The following TMEM120B variants were observed in gnomAD, a reference collection of about 807,000 sequenced individuals.
TMEM120B encodes the protein transmembrane protein 120B.
TMEM120B carries 31 observed loss-of-function variants against 55.5 expected under a neutral mutation model. The ratio of observed to expected loss-of-function variants is 0.56; its 90% CI spans 0.42 to 0.75. The LOEUF (loss-of-function observed/expected upper bound fraction) is 0.75. Among genes scored for constraint, TMEM120B ranks in the 30% least tolerant of loss-of-function variants. TMEM120B has a pLI of 0.00. For synonymous variants in TMEM120B, 203 were observed against 176.3 expected (o/e 1.15, Z -1.20); for missense variants, 399 against 425.5 (o/e 0.94, Z 0.55).
At chr12:121,744,784 T>C (rs148868794) in intron 2 of TMEM120B, among the ~76,000 whole-genome samples, 213 of 152,302 alleles carry the variant, frequency 1.4e-3, no homozygotes, top group Non-Finnish European at 2.4e-3. Context: ...GTCAACTCTT[T>C]CCTTGTGGAC....
At position 121,775,721 on chromosome 12, in the gene TMEM120B, G is replaced by A; in HGVS notation, c.1019G>A (p.Ter340=). ...AACAGAGGCAAGACAAAGCAGCCGT[G>A]AGCCTCGGGCTCCTGTGCCCTCGGC... ...QKNRGKTKQP[*] The change falls in exon 12 of 12, where the codon TGA becomes TAA. Residue 340 remains the stop codon, a stop_retained_variant. Transcript: ENST00000449592. This position sits in a 1 kb window ranked among gnomAD's most constrained non-coding sequence, Gnocchi z 4.3. 1 of 1,613,830 alleles carries A rather than the reference G, an allele frequency of 6.2e-7. No individual in the cohort carries two copies.
At chr12:121,770,682 G>A (rs1252072533) in intron 6 of TMEM120B, among the ~76,000 whole-genome samples, 1 of 152,134 alleles carries the variant, frequency 6.6e-6, no homozygotes, top group African/African-American at 2.4e-5. Flanking sequence ...GAAACCACTG[G>A]AAGCCCAAGT....
At chr12:121,763,668 C>T (rs1306719456) in intron 6 of TMEM120B, among the ~76,000 whole-genome samples, 1 of 152,192 alleles carries the variant, frequency 6.6e-6, no homozygotes, top group Admixed American at 6.5e-5. Flanking sequence ...GTCTCAAACT[C>T]TTGACCTCAA....
rs1018489774 is a variant in TMEM120B, at chr12:121,739,235, TG to T, written c.70-4391del. ...ACTTAAATTCACGAAAGACAGAGAT[TG>T]GGAGATTGTTCTAGATTAAAGGAGA... On this transcript the variant is annotated intron_variant, in intron 1 of 11. Transcript: ENST00000449592. 1.1e-4 allele frequency among the ~76,000 whole-genome samples: 17 copies of T among 151,924 alleles called. 1 individual carries two copies. The highest frequency in any genetic ancestry group is 1.0e-4 in the Non-Finnish European group (7 of 67,984).
chr12:121,734,477 C>T (rs1355714974), intron 1 of TMEM120B, among the ~76,000 whole-genome samples: 42 of 151,290 alleles, frequency 2.8e-4, no homozygotes, highest in Non-Finnish European at 3.4e-4. Flanking sequence ...AGGTTGGTCT[C>T]GAACTCCCGA....
At chr12:121,732,707 C>T (rs1057458634) in intron 1 of TMEM120B, among the ~76,000 whole-genome samples, 4 of 152,038 alleles carry the variant, frequency 2.6e-5, no homozygotes, top group Admixed American at 1.3e-4. Flanking sequence ...AGGCCGGACG[C>T]GGTGGCTCAC....
chr12:121,735,998 AATAATCT>A (rs1156237114), intron 1 of TMEM120B, among the ~76,000 whole-genome samples: 3 of 151,930 alleles, frequency 2.0e-5, no homozygotes, highest in Admixed American at 6.6e-5. Flanking sequence ...GATTTTAAAC[AATAATCT>A]ATAAAAGTGT....
chr12:121,742,800 AC>A (rs2137124178), intron 1 of TMEM120B, among the ~76,000 whole-genome samples: 1 of 151,782 alleles, frequency 6.6e-6, no homozygotes, highest in Non-Finnish European at 1.5e-5. Context: ...CTGGTCTCGA[AC>A]TCCTGACCTC....
intron 1 of TMEM120B, among the ~76,000 whole-genome samples, chr12:121,728,784 A>G (rs546427982): frequency 5.7e-4 from 87 of 152,194 alleles, no homozygotes; most frequent in African/African-American, 1.8e-3. Flanking sequence ...GCTTTCATCT[A>G]CCTCTCTGCC....
At chr12:121,774,548 G>A (rs1874172182) in intron 9 of TMEM120B, 110 bp from the exon 10 acceptor site, 3 of 1,055,692 alleles carry the variant, frequency 2.8e-6, no homozygotes, top group African/African-American at 1.6e-5. Flanking sequence ...ATGTGTGACT[G>A]TCCCTGGCTC....
intron 1 of TMEM120B, among the ~76,000 whole-genome samples, chr12:121,732,874 GA>G (rs1389872766): frequency 6.6e-6 from 1 of 151,828 alleles, no homozygotes; most frequent in East Asian, 1.9e-4. Flanking sequence ...AGCTACTTGG[GA>G]GGCTGAGGCA....
At chr12:121,720,202 C>A (rs1023471838) in intron 1 of TMEM120B, among the ~76,000 whole-genome samples, 1 of 152,176 alleles carries the variant, frequency 6.6e-6, no homozygotes, top group African/African-American at 2.4e-5. Flanking sequence ...TTTCATGCCA[C>A]CCAAATGCGT....
rs147298734 is a variant in TMEM120B at position 121,716,965 on chromosome 12, A to G, written c.69+4001A>G. On this transcript the variant is annotated intron_variant, in intron 1 of 11. Transcript: ENST00000449592. ...CTCCTCCCCACCCCAAGAAAACCCA[A>G]TGTAATCTCTGGGACTGAGGAGAGG... Among the ~76,000 whole-genome samples, 386 of 152,268 alleles carry G rather than the reference A, an allele frequency of 2.5e-3. 2 individuals are homozygous for G. The highest frequency in any genetic ancestry group is 9.0e-3 in the African/African-American group (374 of 41,546).
intron 1 of TMEM120B, among the ~76,000 whole-genome samples, chr12:121,714,350 G>A (rs905452431): frequency 1.3e-5 from 2 of 152,030 alleles, no homozygotes; most frequent in African/African-American, 2.4e-5. Flanking sequence ...TCCGCCTCCC[G>A]GGTTCGAGCC....
chr12:121,743,693 G>A lies in TMEM120B; in HGVS notation c.134G>A (p.Ser45Asn), dbSNP rs962434971. The change falls in exon 2 of 12, where the codon AGT becomes AAT. Residue 45 changes from serine to asparagine, a missense_variant. Physicochemically the swap from Ser to Asn is conservative, Grantham distance 46. Transcript: ENST00000449592. Reference sequence around the variant, plus strand: ...GCTGCGCTGCAGACGCTGTGTAGCAGTTCCATCAGTAAGCAGAAGAAGCAC... The same window carrying A: ...GCTGCGCTGCAGACGCTGTGTAGCAATTCCATCAGTAAGCAGAAGAAGCAC... ...ELAALQTLCS[S>N]SISKQKKHLK... 4 of 1,613,604 alleles carry A rather than the reference G, an allele frequency of 2.5e-6. No individual in the cohort carries two copies. Among genetic ancestry groups the A allele is most frequent in the Admixed American group, 3.3e-5 (2 of 59,954 alleles).
rs1401659756 is a variant in TMEM120B, at chr12:121,780,994, C to G, written c.*5272C>G. The G allele has an allele frequency of 5.0e-6, 8 of 1,613,522 alleles. No individual in the cohort carries two copies. In the Admixed American group the frequency reaches 1.3e-4, roughly 27 times the overall value. On this transcript the variant is annotated 3_prime_UTR_variant, in exon 12 of 12. Coordinates refer to ENST00000449592, the MANE Select transcript of TMEM120B (RefSeq NM_001080825.2). ...GGGATCCCGCGGCAGAAATGCGTGA[C>G]CTCAGGGAACCACTGTGGAGGGAGG...
chr12:121,717,407 G>A (rs1348695853), intron 1 of TMEM120B, among the ~76,000 whole-genome samples: 1 of 152,170 alleles, frequency 6.6e-6, no homozygotes, highest in African/African-American at 2.4e-5. Context: ...AGACATCAGG[G>A]AGACAGGCTC....
intron 1 of TMEM120B, among the ~76,000 whole-genome samples, chr12:121,742,214 G>T (rs1198078039): frequency 6.6e-6 from 1 of 151,964 alleles, no homozygotes; most frequent in Non-Finnish European, 1.5e-5. Context: ...TTTTGGTCAG[G>T]CTGGTCTCGA....
At chr12:121,738,026 A>AG (rs1162808276) in intron 1 of TMEM120B, among the ~76,000 whole-genome samples, 3 of 151,750 alleles carry the variant, frequency 2.0e-5, no homozygotes, top group South Asian at 2.1e-4. Context: ...AAAAAAAAAA[A>AG]AAAGAAAGTC....
Sources: allele counts gnomAD v4.1 joint callset (sites outside exome capture counted in the v4.1 genomes callset), GRCh38; gene constraint gnomAD v4.1.1; non-coding constraint Gnocchi (gnomAD v3.1); transcripts MANE v1.5; gene names NCBI Gene and HGNC (gene_info 2026-07-23, HGNC 2026-07-21).